Variants in PDE1A observed in about 807,000 individuals in gnomAD.
PDE1A encodes the protein phosphodiesterase 1A, also known as dual specificity calcium/calmodulin-dependent 3',5'-cyclic nucleotide phosphodiesterase 1A.
Under a neutral mutation model 61.7 loss-of-function variants are expected in PDE1A, and 35 were observed. The observed-to-expected ratio is 0.57, with a 90% CI of 0.43 to 0.75. The LOEUF is 0.75. PDE1A is among the 30% of genes least tolerant of loss of function. PDE1A has a pLI of 0.00. For synonymous variants in PDE1A, 232 were observed against 213.2 expected (o/e 1.09, Z -0.77); for missense variants, 597 against 630.6 (o/e 0.95, Z 0.57).
chr2:182,602,635 T>C, the PDE1A span, among the ~76,000 whole-genome samples: 2 of 152,190 alleles, frequency 1.3e-5, no homozygotes, highest in African/African-American at 2.4e-5. Flanking sequence ...ACGTTTTTGG[T>C]CCCACATATC....
chr2:182,509,619 G>A (rs1169562626), intron 2 of PDE1A, among the ~76,000 whole-genome samples: 2 of 152,118 alleles, frequency 1.3e-5, no homozygotes, highest in African/African-American at 2.4e-5. Flanking sequence ...TTTCTCATCC[G>A]AAAGACTGGA....
At chr2:182,381,965 T>G (rs548838369) in intron 1 of PDE1A, among the ~76,000 whole-genome samples, 24 of 152,158 alleles carry the variant, frequency 1.6e-4, no homozygotes, top group African/African-American at 5.5e-4. Context: ...ATCCCTAAAT[T>G]ATTATACATT....
the PDE1A span, among the ~76,000 whole-genome samples, chr2:182,645,764 C>T: frequency 6.6e-6 from 1 of 152,086 alleles, no homozygotes; most frequent in Non-Finnish European, 1.5e-5. Context: ...CCAGGTACAA[C>T]ATAACTGTTA....
At chr2:182,496,187 A>G (rs939136606) in intron 2 of PDE1A, among the ~76,000 whole-genome samples, 1 of 152,214 alleles carries the variant, frequency 6.6e-6, no homozygotes, top group Non-Finnish European at 1.5e-5. Context: ...CACTCACTGC[A>G]GAGATATTAC....
chr2:182,642,421 T>C, the PDE1A span, among the ~76,000 whole-genome samples: 3 of 152,200 alleles, frequency 2.0e-5, no homozygotes, highest in Admixed American at 2.0e-4. Flanking sequence ...TGGCTGCAGG[T>C]ATCCCTAAGA....
chr2:182,296,361 T>C (rs1574280449), intron 1 of PDE1A, among the ~76,000 whole-genome samples: 1 of 152,192 alleles, frequency 6.6e-6, no homozygotes, highest in African/African-American at 2.4e-5. Context: ...TGCCTACTTA[T>C]CAACTAGGGT....
At chr2:182,584,237 T>C in the PDE1A span, among the ~76,000 whole-genome samples, 1 of 151,934 alleles carries the variant, frequency 6.6e-6, no homozygotes, top group African/African-American at 2.4e-5. Flanking sequence ...CACAAGGAGT[T>C]GCAGAGAGAG....
chr2:182,676,915 C>CA, the PDE1A span, among the ~76,000 whole-genome samples: 6 of 152,126 alleles, frequency 3.9e-5, no homozygotes, highest in South Asian at 1.0e-3. Flanking sequence ...GAACATAACT[C>CA]AGAATAATAA....
the PDE1A span, among the ~76,000 whole-genome samples, chr2:182,607,419 T>A: frequency 6.6e-6 from 1 of 152,144 alleles, no homozygotes; most frequent in Non-Finnish European, 1.5e-5. Context: ...TTAAAATGAG[T>A]GCATTTCACT....
chr2:182,283,634 C>T (rs1693970171), intron 1 of PDE1A, among the ~76,000 whole-genome samples: 1 of 151,918 alleles, frequency 6.6e-6, no homozygotes, highest in South Asian at 2.1e-4. Context: ...TACAAAGATA[C>T]AACCTGAAGT....
At chr2:182,263,512 AAATT>A (rs1559269031) in intron 2 of PDE1A, among the ~76,000 whole-genome samples, 1 of 152,106 alleles carries the variant, frequency 6.6e-6, no homozygotes, top group East Asian at 1.9e-4. Context: ...GCTGTGAAAA[AAATT>A]AGCACCTTTT....
chr2:182,376,862 A>G (rs1205915074), intron 1 of PDE1A, among the ~76,000 whole-genome samples: 3 of 152,338 alleles, frequency 2.0e-5, no homozygotes, highest in African/African-American at 7.2e-5. Context: ...GGCAGCAGGC[A>G]AAGAGAGAAT....
chr2:182,674,564 A>T, the PDE1A span, among the ~76,000 whole-genome samples: 1 of 66,170 alleles, frequency 1.5e-5, no homozygotes. Context: ...TATTAATCCC[A>T]TTCACAGATA....
intron 1 of PDE1A, among the ~76,000 whole-genome samples, chr2:182,350,090 T>C (rs1274822995): frequency 6.6e-6 from 1 of 152,166 alleles, no homozygotes; most frequent in African/African-American, 2.4e-5. Flanking sequence ...TAACCATTAC[T>C]GTGACTTCTA....
intron 1 of PDE1A, among the ~76,000 whole-genome samples, chr2:182,267,854 G>A: frequency 6.6e-6 from 1 of 151,846 alleles, no homozygotes; most frequent in East Asian, 1.9e-4. Context: ...GTACTGGTGG[G>A]TTCCAAAGTG....
At chr2:182,551,950 G>A in the PDE1A span, among the ~76,000 whole-genome samples, 1 of 152,286 alleles carries the variant, frequency 6.6e-6, no homozygotes, top group South Asian at 2.1e-4. Flanking sequence ...TATACTCAGA[G>A]AAGCTAGAGA....
At chr2:182,142,915 G>T (rs543050048), downstream of PDE1A, 2 of 152,170 alleles carry the variant, frequency 1.3e-5, no homozygotes, top group Non-Finnish European at 2.9e-5. Context: ...CAAAATTTAT[G>T]TTCTTCTTAA....
the PDE1A span, among the ~76,000 whole-genome samples, chr2:182,610,208 C>T: frequency 6.6e-6 from 1 of 152,266 alleles, no homozygotes. Flanking sequence ...TTGTCCAATC[C>T]TATTTCTATA....
the PDE1A span, among the ~76,000 whole-genome samples, chr2:182,586,724 C>A: frequency 6.6e-6 from 1 of 152,146 alleles, no homozygotes; most frequent in Non-Finnish European, 1.5e-5. Context: ...GCTGAATATA[C>A]CCTAGTAGGC....
Sources: allele counts gnomAD v4.1 joint callset (sites outside exome capture counted in the v4.1 genomes callset), GRCh38; gene constraint gnomAD v4.1.1; transcripts MANE v1.5; gene names NCBI Gene and HGNC (gene_info 2026-07-23, HGNC 2026-07-21).